SLC16A9: variants seen among roughly 807,000 people sequenced by gnomAD.
SLC16A9 encodes the protein solute carrier family 16 member 9, also known as monocarboxylate transporter 9.
A neutral mutation model predicts 44.3 loss-of-function variants in SLC16A9; 26 were observed. The ratio of observed to expected loss-of-function variants is 0.59; its 90% CI spans 0.43 to 0.81. SLC16A9 has a LOEUF of 0.81. SLC16A9 is among the 40% of genes least tolerant of loss of function. The pLI is 0.00. For synonymous variants in SLC16A9, 230 were observed against 225.1 expected (o/e 1.02, Z -0.19); for missense variants, 559 against 595.8 (o/e 0.94, Z 0.64).
In SLC16A9 at chr10:59,654,073, A is replaced by C. The variant is rs773205170; in HGVS notation, c.953T>G (p.Ile318Ser). 2.9e-5 allele frequency: 47 copies of C among 1,614,014 alleles called. No homozygotes were observed. The highest frequency in any genetic ancestry group is 3.8e-5 in the Non-Finnish European group (45 of 1,180,046). The stretch of plus-strand genomic sequence containing the variant: ...AAGTAATGAAGGTGGAAACCCTCCG[A>C]TGTCAAAGAGTAAGATAGCAATGAA... ...ALFIAILLFD[I>S]GGFPPSLLME... Residue 318 changes from isoleucine (I) to serine (S), a missense_variant, in exon 5 of 6, where the codon ATC (isoleucine) becomes AGC (serine). Coordinates refer to ENST00000395348, the MANE Select transcript of SLC16A9 (RefSeq NM_194298.3).
chr10:59,694,817 T>TATATATATATATATAC (rs145769219), intron 1 of SLC16A9, among the ~76,000 whole-genome samples: 3 of 47,724 alleles, frequency 6.3e-5, no homozygotes, highest in African/African-American at 2.4e-4. Context: ...TATATATATA[T>TATATATATATATATAC]ACACACACAC....
intron 4 of SLC16A9, among the ~76,000 whole-genome samples, chr10:59,657,494 C>T (rs1839375671): frequency 6.6e-6 from 1 of 152,198 alleles, no homozygotes; most frequent in Non-Finnish European, 1.5e-5. Context: ...TCATACTTCT[C>T]CCTAATTTCC....
chr10:59,672,694 G>C (rs139810598), intron 3 of SLC16A9, 76 bp downstream of exon 3: 1 of 1,373,666 alleles, frequency 7.3e-7, no homozygotes, highest in African/African-American at 1.5e-5. Context: ...ACATTAACTG[G>C]ATCATAAACC....
Position 59,652,633 on chromosome 10 carries a change from ATAAT to A in SLC16A9, c.*135_*138del, listed in dbSNP as rs1373706962. 16 of 719,066 alleles carry A rather than the reference ATAAT, an allele frequency of 2.2e-5. No homozygotes were observed. Among genetic ancestry groups the A allele is most frequent in the Non-Finnish European group, 3.1e-5 (14 of 454,908 alleles). The allele number at this position is 719,066 out of a possible 1,614,324, so 44.5% of individuals were successfully genotyped here. On this transcript the variant is annotated 3_prime_UTR_variant, in exon 6 of 6. Transcript: ENST00000395348. ...TAAAAAATAGGATATATAAAAAAAA[ATAAT>A]TCATTCAGAGTCAGTCATTGTGAAA...
chr10:59,662,328 A>G (rs1839494472), intron 4 of SLC16A9, among the ~76,000 whole-genome samples: 1 of 151,946 alleles, frequency 6.6e-6, no homozygotes, highest in Admixed American at 6.5e-5. Context: ...AAGGATATGA[A>G]CAGACACTTT....
intron 4 of SLC16A9, among the ~76,000 whole-genome samples, chr10:59,658,218 G>C (rs1304106841): frequency 6.6e-6 from 1 of 151,204 alleles, no homozygotes; most frequent in Non-Finnish European, 1.5e-5. Context: ...GGAAGCCCCT[G>C]TTTCCAGTTG....
At chr10:59,666,871 CAAAA>C (rs34639816) in intron 3 of SLC16A9, among the ~76,000 whole-genome samples, 6 of 114,944 alleles carry the variant, frequency 5.2e-5, no homozygotes, top group Non-Finnish European at 1.1e-4. Flanking sequence ...TATTTTCCAG[CAAAA>C]AAAAAAAAAA....
At chr10:59,678,540 C>CGTTTTCTTTTTTTTTTTTTT (rs1839910424) in intron 2 of SLC16A9, among the ~76,000 whole-genome samples, 1 of 22,332 alleles carries the variant, frequency 4.5e-5, no homozygotes, top group African/African-American at 9.7e-5. Context: ...TTTTCTTTTT[C>CGTTTTCTTTTTTTTTTTTTT]TTTTTCTTTT....
At chr10:59,679,027 C>T (rs72812347) in intron 2 of SLC16A9, among the ~76,000 whole-genome samples, 20,634 of 152,082 alleles carry the variant, frequency 0.14, 1,509 homozygotes, top group East Asian at 0.22. Context: ...ATTATATTAA[C>T]ATGGTGATGC....
In SLC16A9 at chr10:59,688,914, G is replaced by A. The variant is rs7898641; in HGVS notation, c.-36-4587C>T. Among the ~76,000 whole-genome samples, 621 of 152,100 alleles carry A rather than the reference G, an allele frequency of 4.1e-3. 5 individuals carry two copies. Among genetic ancestry groups the A allele is most frequent in the African/African-American group, 0.014 (582 of 41,484 alleles). On this transcript the variant is annotated intron_variant, in intron 1 of 5. Coordinates refer to ENST00000395348, the MANE Select transcript of SLC16A9 (RefSeq NM_194298.3). ...ATGAAGAGAATTATCTCCCTTACCA[G>A]TTTTCAAACCTAAGTAGACAAAAAT...
intron 4 of SLC16A9, 77 bp downstream of exon 4, chr10:59,664,150 A>C: frequency 1.1e-6 from 1 of 927,434 alleles, no homozygotes. Flanking sequence ...TTGGTTAAAC[A>C]TGTCTGTGCT....
At chr10:59,655,710 T>G (rs1839335199) in intron 4 of SLC16A9, among the ~76,000 whole-genome samples, 2 of 152,206 alleles carry the variant, frequency 1.3e-5, no homozygotes, top group Admixed American at 1.3e-4. Context: ...ATTTCAATCT[T>G]TAATAAACTG....
intron 1 of SLC16A9, among the ~76,000 whole-genome samples, chr10:59,700,755 G>A (rs1564714363): frequency 6.6e-6 from 1 of 152,058 alleles, no homozygotes; most frequent in African/African-American, 2.4e-5. Context: ...GTGATTTCTG[G>A]CTTCTGATGC....
At chr10:59,668,714 C>CA (rs1195361794) in intron 3 of SLC16A9, among the ~76,000 whole-genome samples, 1 of 151,754 alleles carries the variant, frequency 6.6e-6, no homozygotes, top group African/African-American at 2.4e-5. Context: ...ATCATGAGTA[C>CA]AAAAAAAATC....
intron 4 of SLC16A9, 90 bp from the exon 5 acceptor site, chr10:59,654,679 C>T: frequency 9.4e-7 from 1 of 1,068,380 alleles, no homozygotes; most frequent in Non-Finnish European, 1.3e-6. Context: ...ATTTTTTATA[C>T]TGGCATTTAT....
intron 1 of SLC16A9, among the ~76,000 whole-genome samples, chr10:59,705,691 T>C (rs1295939259): frequency 6.6e-6 from 1 of 152,152 alleles, no homozygotes; most frequent in Non-Finnish European, 1.5e-5. Flanking sequence ...AGATAAAGCA[T>C]TGAAGGATAT....
chr10:59,678,546 C>CTTTTTTTTTTTTTTTTTTTTT (rs751112027), intron 2 of SLC16A9, among the ~76,000 whole-genome samples: 1,960 of 30,396 alleles, frequency 0.064, 695 homozygotes, highest in East Asian at 0.11. Flanking sequence ...TTTTCTTTTT[C>CTTTTTTTTTTTTTTTTTTTTT]TTTTTTTTGA....
rs1402326205 is a variant in SLC16A9, at chr10:59,652,257, G to C, written c.*515C>G. 5 of 152,368 alleles carry C rather than the reference G, an allele frequency of 3.3e-5. No homozygotes were observed. In the South Asian group the frequency reaches 1.0e-3, roughly 32 times the overall value. The allele number at this position is 152,368 out of a possible 1,614,324, so 9.4% of individuals were successfully genotyped here. On this transcript the variant is annotated 3_prime_UTR_variant, in exon 6 of 6. Transcript: ENST00000395348. ...CAATTTGCTCCACTGCAATTCTTAA[G>C]GCTGTTTTAGTCGCCACTTTAATTT...
intron 3 of SLC16A9, among the ~76,000 whole-genome samples, chr10:59,664,770 T>C (rs994780311): frequency 6.6e-6 from 1 of 152,162 alleles, no homozygotes; most frequent in Non-Finnish European, 1.5e-5. Flanking sequence ...CAAAGCTATT[T>C]TGTCAGAGTT....
Sources: gnomAD v4.1 joint callset for allele counts (sites outside exome capture counted in the v4.1 genomes callset) on GRCh38, gnomAD v4.1.1 for gene constraint, MANE v1.5 for transcripts, NCBI Gene and HGNC (gene_info 2026-07-23, HGNC 2026-07-21) for gene names.